The following DNAJC3 variants were observed in gnomAD, a reference collection of about 807,000 sequenced individuals.
DNAJC3 encodes the protein DnaJ heat shock protein family (Hsp40) member C3.
DNAJC3 carries 38 observed loss-of-function variants against 68.6 expected under a neutral mutation model. The ratio of observed to expected loss-of-function variants is 0.55; its 90% CI spans 0.43 to 0.73. The LOEUF (loss-of-function observed/expected upper bound fraction) is 0.73. Among genes scored for constraint, DNAJC3 ranks in the 30% least tolerant of loss-of-function variants. The pLI, the probability that DNAJC3 is intolerant of heterozygous loss-of-function variation, is 0.00. For synonymous variants in DNAJC3, 203 were observed against 204.0 expected, an observed-to-expected ratio of 1.00 and a Z score of 0.04; for missense variants, 526 against 591.9, an observed-to-expected ratio of 0.89 and a Z score of 1.16.
chr13:95,720,260 T>G (rs995698168), intron 2 of DNAJC3, among the ~76,000 whole-genome samples: 1 of 152,152 alleles, frequency 6.6e-6, no homozygotes, highest in East Asian at 1.9e-4. Flanking sequence ...ATTGATGGGG[T>G]TGTGTACTTT....
intron 4 of DNAJC3, among the ~76,000 whole-genome samples, chr13:95,732,915 G>T (rs747180438): frequency 4.6e-5 from 7 of 151,570 alleles, no homozygotes; most frequent in Non-Finnish European, 1.0e-4. Context: ...TTAATTTCTT[G>T]ACAGAGTTTT....
chr13:95,707,902 G>C (rs1321745332), intron 1 of DNAJC3, among the ~76,000 whole-genome samples: 3 of 152,126 alleles, frequency 2.0e-5, no homozygotes, highest in Admixed American at 6.5e-5. Flanking sequence ...ATAGTAATTG[G>C]GCAAGCAGGA....
chr13:95,692,366 T>TG (rs939499487), intron 1 of DNAJC3, among the ~76,000 whole-genome samples: 11 of 152,026 alleles, frequency 7.2e-5, no homozygotes, highest in African/African-American at 1.9e-4. Context: ...GTGTTGTCAG[T>TG]GGGGGGGTTG....
At chr13:95,688,780 G>C (rs765814695) in intron 1 of DNAJC3, among the ~76,000 whole-genome samples, 4 of 152,100 alleles carry the variant, frequency 2.6e-5, no homozygotes, top group Non-Finnish European at 5.9e-5. Context: ...GGGATTACAG[G>C]TGTGAGCCAC....
At chr13:95,718,582 G>A (rs1593976340) in intron 2 of DNAJC3, among the ~76,000 whole-genome samples, 1 of 152,180 alleles carries the variant, frequency 6.6e-6, no homozygotes, top group Non-Finnish European at 1.5e-5. Context: ...TGTATTTTTA[G>A]TAGAGACGGT....
rs1057029487 is a variant in DNAJC3, at chr13:95,794,912, A to G, written c.*3882A>G. ...CTAATATTTGAAATGGGTCTCAGAC[A>G]TGTCTACAAATATGGGTACTATTTT... is the stretch of plus-strand genomic sequence containing the variant. On this transcript the variant is annotated 3_prime_UTR_variant, in exon 12 of 12. Coordinates refer to ENST00000602402, the MANE Select transcript of DNAJC3 (RefSeq NM_006260.5). 1 of 152,284 alleles carries G rather than the reference A, an allele frequency of 6.6e-6. No individual in the cohort carries two copies. Among genetic ancestry groups the G allele is most frequent in the African/African-American group, 2.4e-5 (1 of 41,476 alleles). 9.4% of individuals were successfully genotyped at this position (152,284 alleles called of 1,614,324 possible).
intron 2 of DNAJC3, among the ~76,000 whole-genome samples, chr13:95,716,774 C>G (rs1270550319): frequency 6.6e-6 from 1 of 152,212 alleles, no homozygotes; most frequent in Non-Finnish European, 1.5e-5. Flanking sequence ...TTCTTCTCCT[C>G]TAGACATCCA....
At chr13:95,760,357 A>T in intron 6 of DNAJC3, 136 bp downstream of exon 6, 1 of 851,248 alleles carries the variant, frequency 1.2e-6, no homozygotes, top group Non-Finnish European at 1.6e-6. Flanking sequence ...ATATCCATTT[A>T]TATATTTTGT....
At chr13:95,689,049 T>C (rs1880153002) in intron 1 of DNAJC3, among the ~76,000 whole-genome samples, 1 of 151,938 alleles carries the variant, frequency 6.6e-6, no homozygotes, top group African/African-American at 2.4e-5. Flanking sequence ...TGTGGTTTCC[T>C]TTTTTTGGTT....
Position 95,677,224 on chromosome 13 carries a change from C to T in DNAJC3, c.-32C>T. 6.3e-7 allele frequency: 1 copy of T among 1,594,754 alleles called. No homozygotes were observed. Among genetic ancestry groups the T allele is most frequent in the Non-Finnish European group, 8.5e-7 (1 of 1,172,336 alleles). Reference sequence around the variant, plus strand: ...CGGCGCGTGCTGGTGGGCCACACACCTTTCCTCCTCTTCACTCGCGAGCCC... The same window carrying T: ...CGGCGCGTGCTGGTGGGCCACACACTTTTCCTCCTCTTCACTCGCGAGCCC... On this transcript the variant is annotated 5_prime_UTR_variant, in exon 1 of 12. Transcript: ENST00000602402.
At chr13:95,721,615 T>C (rs762421454) in intron 2 of DNAJC3, among the ~76,000 whole-genome samples, 16 of 152,018 alleles carry the variant, frequency 1.1e-4, no homozygotes, top group Non-Finnish European at 1.9e-4. Flanking sequence ...TCCTAATGGG[T>C]GTGAATTGGT....
At chr13:95,740,091 C>T (rs1180882096) in intron 4 of DNAJC3, among the ~76,000 whole-genome samples, 1 of 152,098 alleles carries the variant, frequency 6.6e-6, no homozygotes, top group East Asian at 1.9e-4. Context: ...TCAGTGTGCC[C>T]CTGCTGGGGG....
chr13:95,699,291 A>G (rs1880527467), intron 1 of DNAJC3, among the ~76,000 whole-genome samples: 2 of 152,234 alleles, frequency 1.3e-5, no homozygotes, highest in Non-Finnish European at 2.9e-5. Flanking sequence ...TAAAGATCTC[A>G]GTTTTATTCT....
intron 4 of DNAJC3, among the ~76,000 whole-genome samples, chr13:95,735,530 G>A (rs1472497907): frequency 1.3e-5 from 2 of 150,634 alleles, no homozygotes; most frequent in Non-Finnish European, 2.9e-5. Context: ...GTGTGAGTTG[G>A]TATCTCATTG....
In DNAJC3 at chr13:95,791,127, A is replaced by AGTT; in HGVS notation, c.*98_*100dup. On this transcript the variant is annotated 3_prime_UTR_variant, in exon 12 of 12. Coordinates refer to ENST00000602402, the MANE Select transcript of DNAJC3 (RefSeq NM_006260.5). Reference sequence around the variant, plus strand: ...ATGAAAAAAAATTTCAAATCTTTTCAGTTTGTCCATGACCAAAGAGTTGCT... The same window carrying AGTT: ...ATGAAAAAAAATTTCAAATCTTTTCAGTTGTTTGTCCATGACCAAAGAGTTGCT... The AGTT allele has an allele frequency of 1.4e-6, 2 of 1,426,018 alleles. No homozygotes were observed. Among genetic ancestry groups the AGTT allele is most frequent in the Non-Finnish European group, 1.9e-6 (2 of 1,038,260 alleles). The allele number at this position is 1,426,018 out of a possible 1,614,324, so 88.3% of individuals were successfully genotyped here. A position where few individuals can be genotyped will look rare whatever the true frequency, so the allele number is the denominator to read the frequency against.
At chr13:95,737,774 C>A (rs1229860503) in intron 4 of DNAJC3, among the ~76,000 whole-genome samples, 7 of 146,486 alleles carry the variant, frequency 4.8e-5, no homozygotes, top group Non-Finnish European at 1.1e-4. Context: ...AAAAAACCAG[C>A]TCCTGGATTC....
intron 4 of DNAJC3, among the ~76,000 whole-genome samples, chr13:95,753,309 GTTCT>G (rs1272573727): frequency 1.3e-5 from 2 of 151,990 alleles, no homozygotes; most frequent in African/African-American, 4.8e-5. Context: ...TCCAAAAACA[GTTCT>G]TTATGTTTTT....
intron 1 of DNAJC3, among the ~76,000 whole-genome samples, chr13:95,707,429 C>G (rs1880791237): frequency 1.3e-5 from 2 of 152,166 alleles, no homozygotes; most frequent in Non-Finnish European, 2.9e-5. Flanking sequence ...AGACATGTCC[C>G]TCAGTACTTC....
At chr13:95,768,911 C>G (rs1883083544) in intron 9 of DNAJC3, among the ~76,000 whole-genome samples, 1 of 152,040 alleles carries the variant, frequency 6.6e-6, no homozygotes, top group Non-Finnish European at 1.5e-5. Flanking sequence ...GGAAGCAGAA[C>G]TTGCAGTGAG....
Sources: gnomAD v4.1 joint callset for allele counts (sites outside exome capture counted in the v4.1 genomes callset) on GRCh38, gnomAD v4.1.1 for gene constraint, MANE v1.5 for transcripts, NCBI Gene and HGNC (gene_info 2026-07-23, HGNC 2026-07-21) for gene names.